ARHGEF9: variants seen among roughly 807,000 people sequenced by gnomAD.
ARHGEF9 encodes rho guanine nucleotide exchange factor 9.
In ARHGEF9, 2 loss-of-function variants were observed where a neutral mutation model predicts 41.3. That is an observed-to-expected ratio of 0.05 (90% confidence interval 0.02 to 0.15). The LOEUF is 0.15. Ranked by LOEUF, ARHGEF9 falls within the 10% of genes least tolerant of loss-of-function variation. The probability of loss-of-function intolerance (pLI) is 1.00; values close to 1 mark genes in which losing one functional copy is unlikely to be tolerated. For missense variants in ARHGEF9, 225 were observed against 424.7 expected (o/e 0.53, Z 4.13); for synonymous variants, 160 against 154.4 (o/e 1.04, Z -0.27).
At chrX:63,716,061 T>G (rs1362377561) in intron 2 of ARHGEF9, 1 of 111,636 alleles carries the variant, frequency 9.0e-6, no homozygotes, top group Non-Finnish European at 1.9e-5. Flanking sequence ...CTGAAGCAGG[T>G]GGATTGCTTG....
rs782504996 is a variant in ARHGEF9, at chrX:63,720,142, A to T, written c.210+4390T>A. 1.1e-3 allele frequency among the ~76,000 whole-genome samples: 125 copies of T among 111,761 alleles called. 1 individual carries two copies. The highest frequency in any genetic ancestry group is 4.0e-3 in the African/African-American group (122 of 30,731). ...ACATACAAACAGGAGGAGAAGGCTG[A>T]GACAGAAGAGTTGATGACCTGGCAC... On this transcript the variant is annotated intron_variant, in intron 2 of 9. Coordinates refer to ENST00000671741, the MANE Select transcript of ARHGEF9 (RefSeq NM_001353921.2).
chrX:63,638,657 T>TC (rs1220080720), intron 9 of ARHGEF9: 1 of 305,667 alleles, frequency 3.3e-6, no homozygotes, highest in East Asian at 4.6e-5. Flanking sequence ...CCTTCTCCAG[T>TC]CCCCCCTGGA....
chrX:63,635,218 C>A lies in ARHGEF9; in HGVS notation c.*2810G>T. 3.0e-6 allele frequency: 1 copy of A among 337,764 alleles called. No homozygotes were observed. The highest frequency in any genetic ancestry group is 5.5e-6 in the Non-Finnish European group (1 of 181,735). The allele number at this position is 337,764 out of a possible 1,213,427, so 27.8% of individuals were successfully genotyped here. A position where few individuals can be genotyped will look rare whatever the true frequency, so the allele number is the denominator to read the frequency against. ...ACTAAAAGATCACTATTTGGCTTCA[C>A]ACTAGAATTGTTAGAACTCTCTTGT... On this transcript the variant is annotated 3_prime_UTR_variant, in exon 10 of 10. Coordinates refer to ENST00000671741, the MANE Select transcript of ARHGEF9 (RefSeq NM_001353921.2).
chrX:63,643,540 T>C, intron 9 of ARHGEF9, among the ~76,000 whole-genome samples: 1 of 109,158 alleles, frequency 9.2e-6, no homozygotes, highest in Non-Finnish European at 1.9e-5. Context: ...AGAGGCGGGG[T>C]TTCACCAAGT....
chrX:63,702,267 C>T (rs2052236493), intron 3 of ARHGEF9, among the ~76,000 whole-genome samples: 2 of 112,295 alleles, frequency 1.8e-5, no homozygotes, highest in Admixed American at 9.4e-5. Flanking sequence ...TATAAAGCAT[C>T]GTTAGCTCTG....
At chrX:63,755,558 G>A (rs1348055757) in intron 1 of ARHGEF9, among the ~76,000 whole-genome samples, 1 of 111,154 alleles carries the variant, frequency 9.0e-6, no homozygotes, top group Non-Finnish European at 1.9e-5. Context: ...GAATTGTGGG[G>A]AAAGGCAGAA....
At chrX:63,714,116 G>A (rs1194750521) in intron 2 of ARHGEF9, among the ~76,000 whole-genome samples, 6 of 111,170 alleles carry the variant, frequency 5.4e-5, no homozygotes, top group Non-Finnish European at 1.1e-4. Flanking sequence ...AAATGGGACC[G>A]ACCCACCGAG....
chrX:63,705,923 A>G (rs1300245019), intron 3 of ARHGEF9, among the ~76,000 whole-genome samples: 15 of 111,502 alleles, frequency 1.3e-4, no homozygotes, highest in African/African-American at 4.6e-4. Context: ...AAGCCCTTAC[A>G]TGAGATGGCT....
chrX:63,761,116 C>T (rs782232167), intron 1 of ARHGEF9, among the ~76,000 whole-genome samples: 2 of 111,027 alleles, frequency 1.8e-5, no homozygotes, highest in African/African-American at 3.3e-5. Flanking sequence ...TGCAGGTTAC[C>T]GCCTGAGACC....
rs1602254424 is a variant in ARHGEF9 at position 63,655,742 on chromosome X, A to G, written c.1078-5T>C. On this transcript the variant is annotated splice_region_variant and splice_polypyrimidine_tract_variant and intron_variant, in intron 7 of 9. Transcript: ENST00000671741. ...GATGTCTCTCCGGATTAGGTCCTAG[A>G]TGGGAAGGAAGAGGTTTCTTGAAGG... is the stretch of plus-strand genomic sequence containing the variant. 2 of 1,206,719 alleles carry G rather than the reference A, an allele frequency of 1.7e-6. No homozygotes were observed. Among genetic ancestry groups the G allele is most frequent in the East Asian group, 3.0e-5 (1 of 33,777 alleles).
chrX:63,650,274 A>G (rs781927206), intron 8 of ARHGEF9, among the ~76,000 whole-genome samples: 1 of 111,662 alleles, frequency 9.0e-6, no homozygotes, highest in South Asian at 3.7e-4. Flanking sequence ...TATGAAATCA[A>G]CCTAAATGCC....
intron 1 of ARHGEF9, among the ~76,000 whole-genome samples, chrX:63,747,425 T>C (rs782529147): frequency 8.9e-6 from 1 of 112,047 alleles, no homozygotes; most frequent in East Asian, 2.8e-4. Flanking sequence ...CACAAGCCCC[T>C]GGGACTTATC....
At position 63,736,676 on chromosome X, in the gene ARHGEF9, C is replaced by T. The variant is rs139078514; in HGVS notation, c.31-11965G>A. Reference sequence around the variant, plus strand: ...AGCCAATAGTTTTTGGATCATGTACCTCTAATGTTAAAAACAAAAATACAA... The same window carrying T: ...AGCCAATAGTTTTTGGATCATGTACTTCTAATGTTAAAAACAAAAATACAA... On this transcript the variant is annotated intron_variant, in intron 1 of 9. Transcript: ENST00000671741. Among the ~76,000 whole-genome samples, 203 of 111,938 alleles carry T rather than the reference C, an allele frequency of 1.8e-3. 1 individual carries two copies. The highest frequency in any genetic ancestry group is 6.2e-3 in the African/African-American group (192 of 30,793).
chrX:63,717,620 A>C (rs1246696661), intron 2 of ARHGEF9, among the ~76,000 whole-genome samples: 1 of 112,295 alleles, frequency 8.9e-6, no homozygotes, highest in Non-Finnish European at 1.9e-5. Context: ...GAGTCAGTAT[A>C]TTCCAAGAGG....
intron 1 of ARHGEF9, among the ~76,000 whole-genome samples, chrX:63,768,759 T>C (rs139384933): frequency 0.01 from 1,128 of 111,861 alleles, 9 homozygotes; most frequent in African/African-American, 0.035. Flanking sequence ...TTATAAACAT[T>C]TGGCATTTCC....
At chrX:63,673,641 C>T (rs1396007041) in intron 6 of ARHGEF9, among the ~76,000 whole-genome samples, 2 of 110,612 alleles carry the variant, frequency 1.8e-5, no homozygotes, top group African/African-American at 6.6e-5. Context: ...TGTTGGCTGT[C>T]CTGCATGGTT....
At chrX:63,775,120 ATG>A (rs1235604348) in intron 1 of ARHGEF9, among the ~76,000 whole-genome samples, 1 of 112,614 alleles carries the variant, frequency 8.9e-6, no homozygotes, top group African/African-American at 3.2e-5. Flanking sequence ...CAAAACCACA[ATG>A]AGATACCATC....
In ARHGEF9 at chrX:63,785,189, C is replaced by T. The variant is rs1290652783; in HGVS notation, c.-44G>A. ...CTTCTCTGAGGCCCCGTAGCTGGCG[C>T]GAGTTGTCGCGGGCTGACTAGAAGG... is the stretch of plus-strand genomic sequence containing the variant. On this transcript the variant is annotated 5_prime_UTR_variant, in exon 1 of 10. Transcript: ENST00000671741. The T allele has an allele frequency of 1.7e-6, 2 of 1,153,127 alleles. No individual in the cohort carries two copies. Among genetic ancestry groups the T allele is most frequent in the East Asian group, 3.3e-5 (1 of 30,428 alleles).
At chrX:63,647,495 G>C (rs781901033) in intron 8 of ARHGEF9, among the ~76,000 whole-genome samples, 1 of 111,608 alleles carries the variant, frequency 9.0e-6, no homozygotes, top group Non-Finnish European at 1.9e-5. Flanking sequence ...TAATCATGTG[G>C]TTTTTGTCAT....
Sources: allele counts gnomAD v4.1 joint callset (sites outside exome capture counted in the v4.1 genomes callset), GRCh38; gene constraint gnomAD v4.1.1; transcripts MANE v1.5; gene names NCBI Gene and HGNC (gene_info 2026-07-23, HGNC 2026-07-21).